Variants in ENPP3 observed in about 807,000 individuals in gnomAD.
The protein encoded by ENPP3 is ectonucleotide pyrophosphatase/phosphodiesterase 3, also known as ectonucleotide pyrophosphatase/phosphodiesterase family member 3.
ENPP3 carries 104 observed loss-of-function variants against 117.8 expected under a neutral mutation model. The ratio of observed to expected loss-of-function variants is 0.88; its 90% CI spans 0.75 to 1.04. ENPP3 has a LOEUF of 1.04. ENPP3 is among the 50% of genes least tolerant of loss of function. The probability of loss-of-function intolerance (pLI) is 0.00; values close to 1 mark genes in which losing one functional copy is unlikely to be tolerated. For missense variants in ENPP3, 1,026 were observed against 1,051.9 expected (o/e 0.98, Z 0.34); for synonymous variants, 380 against 349.9 (o/e 1.09, Z -0.96).
intron 12 of ENPP3, among the ~76,000 whole-genome samples, chr6:131,683,907 C>T (rs868379105): frequency 3.3e-5 from 5 of 152,018 alleles, no homozygotes; most frequent in East Asian, 1.9e-4. Flanking sequence ...CCCACCACCA[C>T]GCCTGGCTAA....
intron 6 of ENPP3, among the ~76,000 whole-genome samples, chr6:131,671,001 C>T (rs1778728077): frequency 6.6e-6 from 1 of 152,110 alleles, no homozygotes; most frequent in Non-Finnish European, 1.5e-5. Context: ...CAAAGCCCAA[C>T]ATGTGTATCA....
chr6:131,642,128 G>A (rs545836371), intron 2 of ENPP3, among the ~76,000 whole-genome samples: 108 of 152,096 alleles, frequency 7.1e-4, no homozygotes, highest in African/African-American at 2.4e-3. Context: ...TTGGTAAGTG[G>A]ATCACAGCCT....
At chr6:131,695,784 C>T (rs891260811) in intron 15 of ENPP3, among the ~76,000 whole-genome samples, 20 of 151,986 alleles carry the variant, frequency 1.3e-4, no homozygotes, top group African/African-American at 4.1e-4. Flanking sequence ...GGCATGGTGG[C>T]GTGTACCTGT....
At chr6:131,669,787 G>A (rs888306487) in intron 6 of ENPP3, among the ~76,000 whole-genome samples, 6 of 151,554 alleles carry the variant, frequency 4.0e-5, no homozygotes, top group Non-Finnish European at 5.9e-5. Context: ...GGCCCTAGAA[G>A]TTTCTGAAGG....
chr6:131,740,068 T>C (rs924369225), intron 23 of ENPP3, among the ~76,000 whole-genome samples, 156 bp from the exon 24 acceptor site: 1 of 152,264 alleles, frequency 6.6e-6, no homozygotes, highest in African/African-American at 2.4e-5. Context: ...GTAAGTTATT[T>C]AAAAAGTACC....
In ENPP3 at chr6:131,737,372, G is replaced by A. The variant is rs371282868; in HGVS notation, c.2107G>A (p.Asp703Asn). Residue 703 changes from aspartate to asparagine, a missense_variant, in exon 22 of 25, where the codon GAT becomes AAT. Physicochemically the swap from Asp to Asn is conservative, Grantham distance 23 (BLOSUM62 1). Transcript: ENST00000357639. The stretch of plus-strand genomic sequence containing the variant: ...TTTTGCAGCCAGCAATAGAACATCA[G>A]ATAGCCAATATGATGCTTTAATTAC... ...LYPPASNRTSDSQYDALITSN... is the reference protein window; with the variant it reads ...LYPPASNRTSNSQYDALITSN... 6.2e-7 allele frequency: 1 copy of A among 1,608,472 alleles called. No homozygotes were observed. Among genetic ancestry groups the A allele is most frequent in the African/African-American group, 1.3e-5 (1 of 74,778 alleles).
rs184346263 is a variant in ENPP3 at position 131,738,736 on chromosome 6, T to C, written c.2300+573T>C. Among the ~76,000 whole-genome samples, 9 of 152,292 alleles carry C rather than the reference T, an allele frequency of 5.9e-5. No individual in the cohort carries two copies. In the East Asian group the frequency reaches 1.4e-3, roughly 23 times the overall value. On this transcript the variant is annotated intron_variant, in intron 23 of 24. Coordinates refer to ENST00000357639, the MANE Select transcript of ENPP3 (RefSeq NM_005021.5). ...TAGTTTTGAATGCAGAGCACAGTAATAGAGTTTTAGAGAAGTTTCATCTAC... is the reference window on the plus strand; with the variant it reads ...TAGTTTTGAATGCAGAGCACAGTAACAGAGTTTTAGAGAAGTTTCATCTAC...
intron 2 of ENPP3, among the ~76,000 whole-genome samples, chr6:131,641,746 C>G (rs1291001967): frequency 3.4e-5 from 5 of 146,096 alleles, no homozygotes; most frequent in Non-Finnish European, 7.4e-5. Context: ...TCACCCTGCT[C>G]ATTTGAGACT....
Position 131,675,174 on chromosome 6 carries a change from A to G in ENPP3, c.857A>G (p.Tyr286Cys), listed in dbSNP as rs761768781. The G allele has an allele frequency of 1.3e-6, 2 of 1,593,568 alleles. No individual in the cohort carries two copies. Among genetic ancestry groups the G allele is most frequent in the Non-Finnish European group, 1.7e-6 (2 of 1,161,434 alleles). Residue 286 changes from tyrosine to cysteine, a missense_variant, in exon 9 of 25, where the codon TAC becomes TGC. Physicochemically the swap from Tyr to Cys is radical, Grantham distance 194 (BLOSUM62 -2). Transcript: ENST00000357639. Reference sequence around the variant, plus strand: ...ATAAATGGCTCCTTTCCTTCCATATACATGCCTTACAACGGGTAGTGAAGC... The same window carrying G: ...ATAAATGGCTCCTTTCCTTCCATATGCATGCCTTACAACGGGTAGTGAAGC... ...VAINGSFPSI[Y>C]MPYNGSVPFE...
rs1447802512 is a variant in ENPP3 at position 131,650,024 on chromosome 6, T to C, written c.155-3T>C. ...TTCGGGCCCTATTTCCTTTACTTTG[T>C]AGGCAGCTGCAGGAAGAAGTGCTTT... On this transcript the variant is annotated splice_region_variant and splice_polypyrimidine_tract_variant and intron_variant, in intron 2 of 24. Transcript: ENST00000357639. 6.2e-7 allele frequency: 1 copy of C among 1,613,818 alleles called. No individual in the cohort carries two copies. Among genetic ancestry groups the C allele is most frequent in the South Asian group, 1.1e-5 (1 of 91,082 alleles).
intron 2 of ENPP3, among the ~76,000 whole-genome samples, chr6:131,648,853 A>C (rs1778203727): frequency 6.6e-6 from 1 of 152,208 alleles, no homozygotes; most frequent in Non-Finnish European, 1.5e-5. Flanking sequence ...GAACTACAGA[A>C]TTCCCATTGC....
Position 131,671,292 on chromosome 6 carries a change from A to G in ENPP3, c.607A>G (p.Thr203Ala), listed in dbSNP as rs1369410987. ...HSKYMRAMYP[T>A]KTFPNHYTIV... ...AAAATACATGAGAGCTATGTATCCTACCAAAACCTTCCCAAATCATTACAC... is the reference window on the plus strand; with the variant it reads ...AAAATACATGAGAGCTATGTATCCTGCCAAAACCTTCCCAAATCATTACAC... Residue 203 changes from threonine to alanine, a missense_variant, in exon 7 of 25, where the codon ACC becomes GCC. By Grantham distance (58) the Thr-to-Ala change is moderately conservative. Transcript: ENST00000357639. The G allele has an allele frequency of 6.2e-7, 1 of 1,608,186 alleles. No individual in the cohort carries two copies. Among genetic ancestry groups the G allele is most frequent in the African/African-American group, 1.3e-5 (1 of 74,946 alleles).
chr6:131,641,798 G>GGTTTTTTT (rs1778047931), intron 2 of ENPP3, among the ~76,000 whole-genome samples: 2 of 88,386 alleles, frequency 2.3e-5, no homozygotes, highest in East Asian at 4.2e-4. Context: ...TCTCCACCCT[G>GGTTTTTTT]GTTTTTTTTT....
At chr6:131,712,454 T>C (rs1416770549) in intron 15 of ENPP3, among the ~76,000 whole-genome samples, 1 of 143,636 alleles carries the variant, frequency 7.0e-6, no homozygotes, top group Non-Finnish European at 1.5e-5. Flanking sequence ...GCACCTCTCC[T>C]AAGAGAATTT....
chr6:131,740,032 C>T (rs1173662106), intron 23 of ENPP3, among the ~76,000 whole-genome samples, 192 bp from the exon 24 acceptor site: 2 of 151,698 alleles, frequency 1.3e-5, no homozygotes, highest in Non-Finnish European at 2.9e-5. Flanking sequence ...TTGGTGGAGT[C>T]AGATTTTGCA....
At chr6:131,672,014 C>A (rs368799676) in intron 7 of ENPP3, among the ~76,000 whole-genome samples, 38 of 152,124 alleles carry the variant, frequency 2.5e-4, no homozygotes, top group Admixed American at 2.0e-3. Context: ...TACATTTTAA[C>A]CCCCACACAA....
intron 15 of ENPP3, among the ~76,000 whole-genome samples, chr6:131,697,809 G>T (rs762685721): frequency 1.8e-4 from 27 of 152,040 alleles, no homozygotes; most frequent in Non-Finnish European, 3.7e-4. Flanking sequence ...TTCCTAACAG[G>T]CCACAGACAG....
intron 14 of ENPP3, among the ~76,000 whole-genome samples, chr6:131,692,737 T>TATATATG (rs1035856618): frequency 4.8e-5 from 7 of 146,234 alleles, no homozygotes; most frequent in Non-Finnish European, 1.0e-4. Flanking sequence ...ATGGCTATAT[T>TATATATG]ATATATGATA....
intron 11 of ENPP3, among the ~76,000 whole-genome samples, chr6:131,680,390 G>T (rs2114409483): frequency 6.6e-6 from 1 of 152,260 alleles, no homozygotes; most frequent in East Asian, 1.9e-4. Flanking sequence ...GGAGATGCTT[G>T]TTTTGCAATT....
Sources: gnomAD v4.1 joint callset for allele counts (sites outside exome capture counted in the v4.1 genomes callset) on GRCh38, gnomAD v4.1.1 for gene constraint, MANE v1.5 for transcripts, NCBI Gene and HGNC (gene_info 2026-07-23, HGNC 2026-07-21) for gene names.